Variants in POLE observed in about 807,000 individuals in gnomAD.
The protein encoded by POLE is DNA polymerase epsilon, catalytic subunit.
A neutral mutation model predicts 279.2 loss-of-function variants in POLE; 188 were observed. The observed-to-expected ratio is 0.67, with a 90% CI of 0.60 to 0.76. The LOEUF (loss-of-function observed/expected upper bound fraction) is 0.76. Ranked by LOEUF, POLE falls within the 30% of genes least tolerant of loss-of-function variation. The probability of loss-of-function intolerance (pLI) is 0.00; values close to 1 mark genes in which losing one functional copy is unlikely to be tolerated. For missense variants in POLE, 2,703 were observed against 3,016.7 expected (o/e 0.90, Z 2.44); for synonymous variants, 1,214 against 1,172.5 (o/e 1.04, Z -0.72).
In POLE at chr12:132,673,153, A is replaced by G. The variant is rs750056643; in HGVS notation, c.1473+11T>C. On this transcript the variant is annotated intron_variant, in intron 14 of 48. Coordinates refer to ENST00000320574, the MANE Select transcript of POLE (RefSeq NM_006231.4). The stretch of plus-strand genomic sequence containing the variant: ...GGAGGCCAGGGTGCCGACAGGACAG[A>G]TAATGCTCACCTCGTCGGGCTCCAT... 9 of 1,556,136 alleles carry G rather than the reference A, an allele frequency of 5.8e-6. No individual in the cohort carries two copies. The highest frequency in any genetic ancestry group is 8.0e-6 in the Non-Finnish European group (9 of 1,127,134).
At chr12:132,669,294 C>T (rs1199757437) in intron 16 of POLE, among the ~76,000 whole-genome samples, 1 of 151,832 alleles carries the variant, frequency 6.6e-6, no homozygotes, top group African/African-American at 2.4e-5. Context: ...GTGGGACCCC[C>T]GTCTCTATAA....
rs113581307 is a variant in POLE, at chr12:132,632,363, G to A, written c.6282C>T (p.His2094=). ...CCAGGGCAGGGTTATTGAGCAGCAA[G>A]TGGGAACCGGGGAGGACAGGAAACA... ...SEMFPVLPGS[H]LLLNNPALEF... Residue 2094 remains histidine (H), a synonymous_variant, in exon 45 of 49, where the codon CAC becomes CAT. Coordinates refer to ENST00000320574, the MANE Select transcript of POLE (RefSeq NM_006231.4). 1 of 1,614,216 alleles carries A rather than the reference G, an allele frequency of 6.2e-7. No homozygotes were observed. Among genetic ancestry groups the A allele is most frequent in the African/African-American group, 1.3e-5 (1 of 75,062 alleles).
At chr12:132,641,915 G>C (rs2138527167) in intron 38 of POLE, 64 bp from the exon 39 acceptor site, 1 of 1,509,708 alleles carries the variant, frequency 6.6e-7, no homozygotes, top group Admixed American at 1.7e-5. Context: ...AGCCCCCTGG[G>C]CCTGACTCCA....
At chr12:132,687,186 C>T in intron 1 of POLE, 68 bp downstream of exon 1, 1 of 1,041,126 alleles carries the variant, frequency 9.6e-7, no homozygotes, top group Non-Finnish European at 1.2e-6. Flanking sequence ...TCGGCGGCGC[C>T]AGCCGAGGAC....
rs934764678 is a variant in POLE, at chr12:132,687,274, G to A, written c.42C>T (p.Gly14=). ...RSGGRRRADP[G]ADGEASRDDG... is the part of the protein sequence containing the mutation. ...CTCACCTGCTGGCCTCGCCATCCGC[G>A]CCTGGGTCCGCGCGCCGCCGCCCGC... The change falls in exon 1 of 49, where the codon GGC becomes GGT. Residue 14 remains glycine (G), a synonymous_variant. Coordinates refer to ENST00000320574, the MANE Select transcript of POLE (RefSeq NM_006231.4). The A allele has an allele frequency of 1.2e-5, 18 of 1,501,374 alleles. No homozygotes were observed. Among genetic ancestry groups the A allele is most frequent in the Non-Finnish European group, 1.6e-5 (18 of 1,127,430 alleles). The allele number at this position is 1,501,374 out of a possible 1,614,324, so 93.0% of individuals were successfully genotyped here.
intron 41 of POLE, among the ~76,000 whole-genome samples, chr12:132,636,656 T>C (rs1282295104): frequency 1.3e-5 from 2 of 152,066 alleles, no homozygotes; most frequent in Non-Finnish European, 2.9e-5. Context: ...CTCAGTGGGC[T>C]GAGGTGGGCA....
At chr12:132,672,920 A>C in intron 14 of POLE, 81 bp from the exon 15 acceptor site, 1 of 1,281,096 alleles carries the variant, frequency 7.8e-7, no homozygotes, top group Non-Finnish European at 1.1e-6. Context: ...ACCTAAGCTG[A>C]ACTTCAGTGT....
intron 40 of POLE, 111 bp from the exon 41 acceptor site, chr12:132,638,250 C>T: frequency 1.1e-6 from 1 of 882,956 alleles, no homozygotes; most frequent in Non-Finnish European, 1.6e-6. Context: ...GCAGAAAAGC[C>T]TCCGAGATAC....
chr12:132,686,268 T>A lies in POLE; in HGVS notation c.62+986A>T, dbSNP rs143559167. ...GCAGCCGCGTCTTATCCTTGCTCTA[T>A]TTTTTTTGAGACTGGGTCTGGCTCC... On this transcript the variant is annotated intron_variant, in intron 1 of 48. Coordinates refer to ENST00000320574, the MANE Select transcript of POLE (RefSeq NM_006231.4). Among the ~76,000 whole-genome samples, 1,352 of 151,838 alleles carry A rather than the reference T, an allele frequency of 8.9e-3. 14 individuals carry two copies. The highest frequency in any genetic ancestry group is 0.031 in the African/African-American group (1,292 of 41,428).
rs2042855097 is a variant in POLE at position 132,668,725 on chromosome 12, C to T, written c.1936G>A (p.Val646Met). 1 of 1,614,058 alleles carries T rather than the reference C, an allele frequency of 6.2e-7. No individual in the cohort carries two copies. The highest frequency in any genetic ancestry group is 8.5e-7 in the Non-Finnish European group (1 of 1,179,920). Reference sequence around the variant, plus strand: ...CAGGCAGCACAGGTGGCTTCGTCCACCATGGCAGAGGGCTGGGAGGGGTGA... The same window carrying T: ...CAGGCAGCACAGGTGGCTTCGTCCATCATGGCAGAGGGCTGGGAGGGGTGA... Reference protein sequence around the residue: ...LTNRLQPSAMVDEATCAACDF... With the variant: ...LTNRLQPSAMMDEATCAACDF... The change falls in exon 18 of 49, where the codon GTG becomes ATG. Residue 646 changes from valine (V) to methionine (M), a missense_variant. Around this residue, in one of 5 missense-constraint regions of POLE, gnomAD observed 1,011 missense variants for 1,111.7 expected, o/e 0.91. Coordinates refer to ENST00000320574, the MANE Select transcript of POLE (RefSeq NM_006231.4). The surrounding 1 kb of genome is among the most constrained non-coding windows in gnomAD (Gnocchi z 4.0).
intron 29 of POLE, chr12:132,650,294 T>A (rs575417271): frequency 5.0e-6 from 1 of 199,632 alleles, no homozygotes; most frequent in South Asian, 9.5e-5. Context: ...TGAAATGGGA[T>A]GTTCGTTTAC....
Position 132,675,156 on chromosome 12 carries a change from T to C in POLE, c.1226+242A>G, listed in dbSNP as rs1205069963. Among the ~76,000 whole-genome samples the C allele has an allele frequency of 6.6e-6, 1 of 152,206 alleles. No individual in the cohort carries two copies. The highest frequency in any genetic ancestry group is 2.4e-5 in the African/African-American group (1 of 41,444). The stretch of plus-strand genomic sequence containing the variant: ...CAGCTGAGTGCGTCTTTCCAGCGGC[T>C]TCCCCACCCCAGAGGCTGATGCTCA... On this transcript the variant is annotated intron_variant, in intron 12 of 48. Transcript: ENST00000320574. This position sits in a 1 kb window ranked among gnomAD's most constrained non-coding sequence, Gnocchi z 4.3.
chr12:132,642,034 C>G, intron 38 of POLE, 143 bp downstream of exon 38: 6 of 945,600 alleles, frequency 6.3e-6, no homozygotes, highest in Non-Finnish European at 8.0e-6. Flanking sequence ...GACCTTGACC[C>G]CAGGACCGTC....
Position 132,661,742 on chromosome 12 carries a change from C to T in POLE, c.2707-58G>A. The T allele has an allele frequency of 6.4e-7, 1 of 1,569,592 alleles. No homozygotes were observed. Among genetic ancestry groups the T allele is most frequent in the Non-Finnish European group, 8.7e-7 (1 of 1,147,540 alleles). On this transcript the variant is annotated intron_variant, in intron 23 of 48. Transcript: ENST00000320574. This position sits in a 1 kb window ranked among gnomAD's most constrained non-coding sequence, Gnocchi z 4.1. ...ACTCATGATGGCCCAAACCTGGAAACCACCTGGTGTCCCTCCAGGAGTGGA... is the reference window on the plus strand; with the variant it reads ...ACTCATGATGGCCCAAACCTGGAAATCACCTGGTGTCCCTCCAGGAGTGGA...
rs778212434 is a variant in POLE, at chr12:132,657,362, G to A, written c.3446C>T (p.Ala1149Val). Residue 1149 changes from alanine to valine, a missense_variant, in exon 28 of 49, where the codon GCG (alanine) becomes GTG (valine). By Grantham distance (64) the Ala-to-Val change is moderately conservative. Transcript: ENST00000320574. ...CCCCGCCCTTACCTGCTGCAGGGCC[G>A]CAGGGATGGTGATGATCTTCTGGAT... ...SAIQKIITIPAALQQVKNPVP... is the reference protein window; with the variant it reads ...SAIQKIITIPVALQQVKNPVP... 1.1e-5 allele frequency: 18 copies of A among 1,613,902 alleles called. No individual in the cohort carries two copies. The highest frequency in any genetic ancestry group is 1.4e-5 in the Non-Finnish European group (17 of 1,179,982).
chr12:132,626,225 C>T lies in POLE; in HGVS notation c.6423G>A (p.Glu2141=), dbSNP rs1158336340. 6 of 1,613,730 alleles carry T rather than the reference C, an allele frequency of 3.7e-6. No homozygotes were observed. The highest frequency in any genetic ancestry group is 5.1e-6 in the Non-Finnish European group (6 of 1,180,036). ...AGCGGCAGGGGTCTCGGAACTGGGC[C>T]TCCTCGGAGAACTCGCCGACATCCA... ...RLVDVGEFSE[E]AQFRDPCRSY... Residue 2141 remains glutamate (E), a synonymous_variant, in exon 46 of 49, where the codon GAG becomes GAA. Coordinates refer to ENST00000320574, the MANE Select transcript of POLE (RefSeq NM_006231.4).
chr12:132,668,357 C>A lies in POLE; in HGVS notation c.2172G>T (p.Ala724=), dbSNP rs372240734. 6.4e-7 allele frequency: 1 copy of A among 1,568,266 alleles called. No individual in the cohort carries two copies. Residue 724 remains alanine, a splice_region_variant and synonymous_variant, in exon 19 of 49, where the codon GCG becomes GCT. Transcript: ENST00000320574. This position sits in a 1 kb window ranked among gnomAD's most constrained non-coding sequence, Gnocchi z 4.0. Reference sequence around the variant, plus strand: ...CCGTGACCATGCCCAGGCACTCACCCGCCAGCCTTCTCTTCTCGTATTTCG... The same window carrying A: ...CCGTGACCATGCCCAGGCACTCACCAGCCAGCCTTCTCTTCTCGTATTTCG... ...EQAKYEKRRL[A]DYCRKAYKKI...
chr12:132,632,196 A>G, intron 45 of POLE, 119 bp downstream of exon 45: 1 of 757,936 alleles, frequency 1.3e-6, no homozygotes, highest in South Asian at 1.7e-5. Flanking sequence ...CTTATCTTGC[A>G]CACATACGCT....
intron 45 of POLE, among the ~76,000 whole-genome samples, chr12:132,629,069 G>A (rs4883541): frequency 0.48 from 73,066 of 152,082 alleles, 17,932 homozygotes; most frequent in East Asian, 0.7. Flanking sequence ...AATAATAAAC[G>A]TTGAAAGTCG....
Sources: gnomAD v4.1 joint callset for allele counts (sites outside exome capture counted in the v4.1 genomes callset) on GRCh38, gnomAD v4.1.1 for gene constraint, gnomAD v4.1.1 regional missense constraint, Gnocchi (gnomAD v3.1) non-coding constraint, MANE v1.5 for transcripts, NCBI Gene and HGNC (gene_info 2026-07-23, HGNC 2026-07-21) for gene names.